SEMA6D: variants seen among roughly 807,000 people sequenced by gnomAD.
SEMA6D encodes the protein semaphorin-6D.
SEMA6D carries 35 observed loss-of-function variants against 106.6 expected under a neutral mutation model. The ratio of observed to expected loss-of-function variants is 0.33; its 90% CI spans 0.25 to 0.44. SEMA6D has a LOEUF of 0.44. Among genes scored for constraint, SEMA6D ranks in the 20% least tolerant of loss-of-function variants. SEMA6D has a pLI of 1.00. For synonymous variants in SEMA6D, 499 were observed against 487.7 expected (o/e 1.02, Z -0.31); for missense variants, 1,185 against 1,345.9 (o/e 0.88, Z 1.87).
At chr15:47,202,226 A>G (rs1023165745) in intron 1 of SEMA6D, among the ~76,000 whole-genome samples, 1 of 151,962 alleles carries the variant, frequency 6.6e-6, no homozygotes, top group African/African-American at 2.4e-5. Context: ...GGAAGTTGTT[A>G]CACTGCGTCT....
chr15:47,458,977 G>T (rs980202698), intron 2 of SEMA6D, among the ~76,000 whole-genome samples: 2 of 151,996 alleles, frequency 1.3e-5, no homozygotes, highest in African/African-American at 2.4e-5. Context: ...ATGGCTTTGT[G>T]TAATCTTCTA....
chr15:47,605,221 A>G (rs965024970), intron 4 of SEMA6D: 2 of 152,124 alleles, frequency 1.3e-5, no homozygotes, highest in East Asian at 3.9e-4. Context: ...GCTCATTAAC[A>G]TGGCTGTTAG....
At chr15:47,224,564 A>T (rs2031488124) in intron 1 of SEMA6D, among the ~76,000 whole-genome samples, 1 of 152,096 alleles carries the variant, frequency 6.6e-6, no homozygotes, top group Non-Finnish European at 1.5e-5. Context: ...TTAACTTCCA[A>T]ACCCTAGCAA....
intron 1 of SEMA6D, among the ~76,000 whole-genome samples, chr15:47,360,248 G>A (rs2038753129): frequency 6.6e-6 from 1 of 152,128 alleles, no homozygotes; most frequent in African/African-American, 2.4e-5. Context: ...ACATTTGTGT[G>A]TTCATATCAG....
intron 4 of SEMA6D, among the ~76,000 whole-genome samples, chr15:47,700,743 A>G (rs1207148925): frequency 6.6e-6 from 1 of 152,156 alleles, no homozygotes; most frequent in Non-Finnish European, 1.5e-5. Flanking sequence ...TGGGCAACAT[A>G]GCAAGTTCAT....
At chr15:47,412,279 A>T (rs1684091410) in intron 1 of SEMA6D, 1 of 152,544 alleles carries the variant, frequency 6.6e-6, no homozygotes, top group African/African-American at 2.4e-5. Context: ...TCTTATCATT[A>T]AAGCAGCAGC....
chr15:47,588,192 T>C (rs2076377333), intron 3 of SEMA6D, among the ~76,000 whole-genome samples: 1 of 152,186 alleles, frequency 6.6e-6, no homozygotes, highest in African/African-American at 2.4e-5. Context: ...ACTCCAGCCA[T>C]GACCCCAGTC....
intron 4 of SEMA6D, among the ~76,000 whole-genome samples, chr15:47,610,373 A>G (rs949794491): frequency 1.3e-5 from 2 of 152,230 alleles, no homozygotes; most frequent in East Asian, 3.8e-4. Flanking sequence ...TTCGACACAC[A>G]TGCCCAGCTT....
chr15:47,232,734 G>A (rs1343399550), intron 1 of SEMA6D, among the ~76,000 whole-genome samples: 2 of 146,910 alleles, frequency 1.4e-5, no homozygotes, highest in Admixed American at 6.9e-5. Flanking sequence ...TACTTTGTTT[G>A]AAAAAATGAC....
At chr15:47,578,854 T>C (rs1312344054) in intron 3 of SEMA6D, among the ~76,000 whole-genome samples, 1 of 152,180 alleles carries the variant, frequency 6.6e-6, no homozygotes, top group African/African-American at 2.4e-5. Flanking sequence ...TTACAACAGT[T>C]GGGATTAAGG....
chr15:47,564,850 A>C (rs1325927002), intron 3 of SEMA6D, among the ~76,000 whole-genome samples: 1 of 152,186 alleles, frequency 6.6e-6, no homozygotes, highest in Non-Finnish European at 1.5e-5. Context: ...AGGAAGAAGA[A>C]TCTAGACATC....
rs374736689 is a variant in SEMA6D, at chr15:47,761,031, C to G, written c.275C>G (p.Pro92Arg). ...LNEMPKTEVI[P>R]NKKLTWRSRQ... is the part of the protein sequence containing the mutation. ...GAAATGCCCAAAACAGAAGTAATAC[C>G]CAACAAGGTGAGCAACTGTAGTTGG... The change falls in exon 4 of 19, where the codon CCC becomes CGC. Residue 92 changes from proline (P) to arginine (R), a missense_variant. Physicochemically the swap from Pro to Arg is moderately radical, Grantham distance 103. Around this residue, in one of 3 missense-constraint regions of SEMA6D, gnomAD observed 144 missense variants for 138.6 expected, o/e 1.04. Transcript: ENST00000536845. 1 of 1,613,346 alleles carries G rather than the reference C, an allele frequency of 6.2e-7. No homozygotes were observed. Among genetic ancestry groups the G allele is most frequent in the Non-Finnish European group, 8.5e-7 (1 of 1,179,558 alleles).
chr15:47,462,822 G>A (rs1460215592), intron 2 of SEMA6D, among the ~76,000 whole-genome samples: 1 of 152,060 alleles, frequency 6.6e-6, no homozygotes, highest in Non-Finnish European at 1.5e-5. Flanking sequence ...ATTCACCTTG[G>A]GTGAGGGGAG....
intron 2 of SEMA6D, chr15:47,412,557 T>C (rs1197865360): frequency 6.6e-6 from 1 of 152,378 alleles, no homozygotes. Flanking sequence ...TGAAGTTGTT[T>C]AGGTATATCT....
At chr15:47,520,126 A>G (rs940600493) in intron 3 of SEMA6D, among the ~76,000 whole-genome samples, 12 of 152,196 alleles carry the variant, frequency 7.9e-5, no homozygotes, top group African/African-American at 2.7e-4. Context: ...GTGCAGTTCT[A>G]TGTCTCCTTG....
chr15:47,243,872 C>T (rs531193532), intron 1 of SEMA6D, among the ~76,000 whole-genome samples: 2 of 152,228 alleles, frequency 1.3e-5, no homozygotes, highest in South Asian at 2.1e-4. Context: ...TGTTGAGCAC[C>T]TACCATGTTC....
intron 1 of SEMA6D, among the ~76,000 whole-genome samples, chr15:47,272,370 C>T (rs1424206351): frequency 6.6e-6 from 1 of 152,078 alleles, no homozygotes; most frequent in African/African-American, 2.4e-5. Flanking sequence ...TAAAGGGTTG[C>T]AAAATAGCAC....
Position 47,522,613 on chromosome 15 carries a change from G to A in SEMA6D, c.-87+52068G>A, listed in dbSNP as rs576801344. Among the ~76,000 whole-genome samples the A allele has an allele frequency of 3.9e-5, 6 of 152,216 alleles. No individual in the cohort carries two copies. In the East Asian group the frequency reaches 9.7e-4, roughly 25 times the overall value. ...GGAAGCCAAAGGGGGTCTTTAGAAG[G>A]CATGAGTGGTGGTGCCAACAAGTGT... On this transcript the variant is annotated intron_variant, in intron 3 of 19. Coordinates refer to the SEMA6D transcript ENST00000558014.
intron 3 of SEMA6D, among the ~76,000 whole-genome samples, chr15:47,477,194 T>A (rs2043027018): frequency 6.6e-6 from 1 of 152,160 alleles, no homozygotes; most frequent in Non-Finnish European, 1.5e-5. Context: ...ACAAGATGAG[T>A]GTTTTTAAAT....
Sources: allele counts gnomAD v4.1 joint callset (sites outside exome capture counted in the v4.1 genomes callset), GRCh38; gene constraint gnomAD v4.1.1; regional missense constraint gnomAD v4.1.1; transcripts MANE v1.5; gene names NCBI Gene and HGNC (gene_info 2026-07-23, HGNC 2026-07-21).